ETV6: variants seen among roughly 807,000 people sequenced by gnomAD.
ETV6 encodes the protein transcription factor ETV6.
Under a neutral mutation model 51.1 loss-of-function variants are expected in ETV6, and 16 were observed. The observed-to-expected ratio is 0.31, with a 90% CI of 0.21 to 0.48. The LOEUF (loss-of-function observed/expected upper bound fraction) is 0.48, where lower values mean the gene tolerates loss of function less well. Among genes scored for constraint, ETV6 ranks in the 20% least tolerant of loss-of-function variants. The pLI is 0.99. For synonymous variants in ETV6, 240 were observed against 224.1 expected (o/e 1.07, Z -0.64); for missense variants, 458 against 594.8 (o/e 0.77, Z 2.39).
chr12:11,722,644 C>T (rs1378022516), intron 1 of ETV6, among the ~76,000 whole-genome samples: 1 of 152,148 alleles, frequency 6.6e-6, no homozygotes, highest in African/African-American at 2.4e-5. Context: ...AAACTGATTT[C>T]TCCTAAAATG....
At chr12:11,879,155 T>C (rs752059650) in intron 5 of ETV6, among the ~76,000 whole-genome samples, 4 of 152,158 alleles carry the variant, frequency 2.6e-5, no homozygotes, top group Non-Finnish European at 5.9e-5. Flanking sequence ...ACGTTAATTT[T>C]TAGGTAATAA....
intron 2 of ETV6, among the ~76,000 whole-genome samples, chr12:11,825,002 C>T (rs1946132419): frequency 6.6e-6 from 1 of 152,156 alleles, no homozygotes; most frequent in African/African-American, 2.4e-5. Flanking sequence ...GGTCAAATCC[C>T]ACACAAAGTT....
chr12:11,758,619 C>T (rs1945039127), intron 2 of ETV6, among the ~76,000 whole-genome samples: 2 of 152,142 alleles, frequency 1.3e-5, no homozygotes, highest in Admixed American at 6.5e-5. Context: ...ACTTTCTTCC[C>T]GTTCTCGCCT....
rs569945120 is a variant in ETV6 at position 11,692,932 on chromosome 12, C to T, written c.33+42772C>T. On this transcript the variant is annotated intron_variant, in intron 1 of 7. Transcript: ENST00000396373. ...GCACATGCCTGTGGTCCTAGCTACC[C>T]GGGAGGCTAAGGTGGGAGAATCACC... 3.3e-5 allele frequency among the ~76,000 whole-genome samples: 5 copies of T among 152,006 alleles called. No homozygotes were observed. The South Asian group carries it at 8.3e-4, about 25-fold the overall frequency.
At chr12:11,885,369 GT>G (rs1227643397) in intron 6 of ETV6, among the ~76,000 whole-genome samples, 4 of 152,218 alleles carry the variant, frequency 2.6e-5, no homozygotes, top group Non-Finnish European at 1.5e-5. Context: ...ACTTCCATGT[GT>G]GAGTCACTGA....
At chr12:11,679,870 G>C (rs117698579) in intron 1 of ETV6, among the ~76,000 whole-genome samples, 1 of 152,256 alleles carries the variant, frequency 6.6e-6, no homozygotes, top group Non-Finnish European at 1.5e-5. Context: ...CATCCTCTGT[G>C]TTCACACGCT....
At chr12:11,887,072 A>G (rs1463917369) in intron 7 of ETV6, among the ~76,000 whole-genome samples, 1 of 152,230 alleles carries the variant, frequency 6.6e-6, no homozygotes, top group African/African-American at 2.4e-5. Flanking sequence ...ATGGTAACTT[A>G]GGAATAGTAA....
At chr12:11,688,228 G>A (rs571696487) in intron 1 of ETV6, among the ~76,000 whole-genome samples, 2 of 152,286 alleles carry the variant, frequency 1.3e-5, no homozygotes, top group East Asian at 1.9e-4. Flanking sequence ...GAAGAGTCTG[G>A]TGTATACAGG....
At position 11,891,600 on chromosome 12, in the gene ETV6, GAAA is replaced by G. The variant is rs372555234; in HGVS notation, c.*563_*565del. 2.5e-5 allele frequency: 11 copies of G among 445,978 alleles called. No homozygotes were observed. Among genetic ancestry groups the G allele is most frequent in the African/African-American group, 1.2e-4 (6 of 49,248 alleles). The allele number at this position is 445,978 out of a possible 1,614,324, so 27.6% of individuals were successfully genotyped here. A position where few individuals can be genotyped will look rare whatever the true frequency, so the allele number is the denominator to read the frequency against. On this transcript the variant is annotated 3_prime_UTR_variant, in exon 8 of 8. Transcript: ENST00000396373. ...TTCCTGTTACTGTTGGGTCTTGGCT[GAAA>G]AAAAAAAATGCTTTTAAAAAAGATA...
At chr12:11,728,432 A>G (rs1359350857) in intron 1 of ETV6, among the ~76,000 whole-genome samples, 1 of 152,106 alleles carries the variant, frequency 6.6e-6, no homozygotes, top group Non-Finnish European at 1.5e-5. Flanking sequence ...CAGTGGCAGC[A>G]TTAGATTCTC....
intron 1 of ETV6, among the ~76,000 whole-genome samples, chr12:11,654,491 G>T (rs1269501514): frequency 6.6e-6 from 1 of 152,098 alleles, no homozygotes; most frequent in Non-Finnish European, 1.5e-5. Context: ...AAGGAAACTC[G>T]ATATAATAGG....
intron 2 of ETV6, among the ~76,000 whole-genome samples, chr12:11,756,952 G>C (rs575028589): frequency 6.6e-6 from 1 of 151,954 alleles, no homozygotes; most frequent in African/African-American, 2.4e-5. Flanking sequence ...TTGACATTGC[G>C]CCATTTGCCC....
chr12:11,890,909 A>T, intron 7 of ETV6, 32 bp from the exon 8 acceptor site: 1 of 1,545,242 alleles, frequency 6.5e-7, no homozygotes, highest in Non-Finnish European at 8.9e-7. Flanking sequence ...GGAAAATGGA[A>T]TCTCTTACCT....
At chr12:11,841,028 C>G (rs1046978814) in intron 3 of ETV6, among the ~76,000 whole-genome samples, 4 of 152,126 alleles carry the variant, frequency 2.6e-5, no homozygotes, top group Non-Finnish European at 5.9e-5. Flanking sequence ...AAGGAAAATA[C>G]AGTGGTGGGT....
At chr12:11,717,916 A>T (rs1865307941) in intron 1 of ETV6, among the ~76,000 whole-genome samples, 1 of 152,190 alleles carries the variant, frequency 6.6e-6, no homozygotes, top group Admixed American at 6.5e-5. Context: ...TTTGAACAGA[A>T]TTAACAGCCT....
intron 1 of ETV6, among the ~76,000 whole-genome samples, chr12:11,742,801 CTTTCTTTTTTTT>C (rs1865834022): frequency 1.6e-5 from 1 of 63,046 alleles, no homozygotes; most frequent in Non-Finnish European, 4.5e-5. Flanking sequence ...TCTTTTCTTT[CTTTCTTTTTTTT>C]TTTTTTTTTT....
chr12:11,829,463 G>C (rs913978131), intron 2 of ETV6, among the ~76,000 whole-genome samples: 4 of 152,128 alleles, frequency 2.6e-5, no homozygotes, highest in African/African-American at 9.7e-5. Context: ...TTTAACCCAG[G>C]ACAATTTGAC....
At chr12:11,839,985 G>A (rs1374669328) in intron 3 of ETV6, among the ~76,000 whole-genome samples, 1 of 152,214 alleles carries the variant, frequency 6.6e-6, no homozygotes, top group African/African-American at 2.4e-5. Context: ...AGAGGAAGGA[G>A]AAGGACGTAG....
At chr12:11,790,083 C>CT (rs1318661703) in intron 2 of ETV6, among the ~76,000 whole-genome samples, 1 of 117,934 alleles carries the variant, frequency 8.5e-6, no homozygotes, top group East Asian at 2.5e-4. Flanking sequence ...ATTCCTCAAC[C>CT]TTTTTTGTCA....
Sources: allele counts gnomAD v4.1 joint callset (sites outside exome capture counted in the v4.1 genomes callset), GRCh38; gene constraint gnomAD v4.1.1; transcripts MANE v1.5; gene names NCBI Gene and HGNC (gene_info 2026-07-23, HGNC 2026-07-21).